The following ZNF804B variants were observed in gnomAD, a reference collection of about 807,000 sequenced individuals.
ZNF804B encodes zinc finger protein 804B.
ZNF804B carries 80 observed loss-of-function variants against 101.4 expected under a neutral mutation model. The observed-to-expected ratio is 0.79, with a 90% CI of 0.66 to 0.95. The LOEUF (loss-of-function observed/expected upper bound fraction) is 0.95, where lower values mean the gene tolerates loss of function less well. Among genes scored for constraint, ZNF804B ranks in the 40% least tolerant of loss-of-function variants. The pLI is 0.00. For missense variants in ZNF804B, 1,673 were observed against 1,561.9 expected (o/e 1.07, Z -1.20); for synonymous variants, 622 against 558.8 (o/e 1.11, Z -1.59).
At chr7:89,274,407 G>A (rs1019108475) in intron 2 of ZNF804B, among the ~76,000 whole-genome samples, 4 of 137,298 alleles carry the variant, frequency 2.9e-5, no homozygotes, top group South Asian at 2.3e-4. Context: ...GAGAATATGC[G>A]GTGTTTGGTT....
chr7:89,168,350 A>G (rs748340004), intron 1 of ZNF804B, among the ~76,000 whole-genome samples: 1 of 152,080 alleles, frequency 6.6e-6, no homozygotes, highest in East Asian at 1.9e-4. Flanking sequence ...ATATGTAGAT[A>G]TATATACAAA....
chr7:89,110,999 A>G (rs146331875), intron 1 of ZNF804B, among the ~76,000 whole-genome samples: 8 of 152,214 alleles, frequency 5.3e-5, no homozygotes, highest in African/African-American at 1.9e-4. Flanking sequence ...GCTTTTACAG[A>G]TGGCCTTCTT....
At chr7:88,845,050 A>G (rs1791348473) in intron 1 of ZNF804B, among the ~76,000 whole-genome samples, 1 of 152,136 alleles carries the variant, frequency 6.6e-6, no homozygotes, top group Non-Finnish European at 1.5e-5. Context: ...TTCCAATCCC[A>G]TGAAGATCAG....
intron 1 of ZNF804B, among the ~76,000 whole-genome samples, chr7:89,195,083 A>G (rs1788525257): frequency 6.6e-6 from 1 of 151,726 alleles, no homozygotes; most frequent in African/African-American, 2.4e-5. Context: ...AACCAAAGAC[A>G]AAAACCACAT....
intron 1 of ZNF804B, among the ~76,000 whole-genome samples, chr7:89,005,099 C>A (rs1158553273): frequency 6.6e-6 from 1 of 151,956 alleles, no homozygotes. Context: ...TTTGGCTTGA[C>A]TGCATTCTAA....
intron 1 of ZNF804B, among the ~76,000 whole-genome samples, chr7:88,985,712 G>T (rs1793749811): frequency 6.6e-6 from 1 of 152,094 alleles, no homozygotes; most frequent in Non-Finnish European, 1.5e-5. Context: ...AACATACTTT[G>T]TATATAGGGC....
At chr7:89,180,132 G>A (rs1419494213) in intron 1 of ZNF804B, among the ~76,000 whole-genome samples, 3 of 152,122 alleles carry the variant, frequency 2.0e-5, no homozygotes, top group Non-Finnish European at 4.4e-5. Flanking sequence ...CTCACCCAAA[G>A]CCTGTGTTGA....
chr7:89,222,928 A>C (rs1789028636), intron 2 of ZNF804B, among the ~76,000 whole-genome samples: 1 of 151,950 alleles, frequency 6.6e-6, no homozygotes. Flanking sequence ...ATATTGAAAT[A>C]CTTCCATTTA....
At chr7:89,099,399 A>C (rs1790019872) in intron 1 of ZNF804B, among the ~76,000 whole-genome samples, 1 of 152,206 alleles carries the variant, frequency 6.6e-6, no homozygotes, top group African/African-American at 2.4e-5. Flanking sequence ...CACATGTTTC[A>C]CAGTTTGGGT....
At chr7:88,841,149 C>T (rs1791286841) in intron 1 of ZNF804B, among the ~76,000 whole-genome samples, 2 of 152,236 alleles carry the variant, frequency 1.3e-5, no homozygotes, top group East Asian at 3.9e-4. Flanking sequence ...GGCCTTTGCC[C>T]TAGGCTTTTG....
At chr7:88,956,909 G>A (rs1450689542) in intron 1 of ZNF804B, among the ~76,000 whole-genome samples, 3 of 151,386 alleles carry the variant, frequency 2.0e-5, no homozygotes, top group African/African-American at 7.3e-5. Flanking sequence ...AGAGCAAACT[G>A]TGCCTTGACT....
At chr7:88,970,344 GC>G (rs3034350) in intron 1 of ZNF804B, among the ~76,000 whole-genome samples, 34,343 of 143,838 alleles carry the variant, frequency 0.24, 4,161 homozygotes, top group African/African-American at 0.32. Context: ...TTATTCTGAT[GC>G]CCCCCCCCCA....
intron 1 of ZNF804B, among the ~76,000 whole-genome samples, chr7:89,007,121 G>A (rs1277701023): frequency 1.3e-5 from 2 of 151,982 alleles, no homozygotes; most frequent in African/African-American, 4.8e-5. Flanking sequence ...CCACTGCAGA[G>A]GAAAGCTTGG....
At chr7:88,856,215 A>T (rs1479293092) in intron 1 of ZNF804B, among the ~76,000 whole-genome samples, 1 of 152,094 alleles carries the variant, frequency 6.6e-6, no homozygotes, top group Non-Finnish European at 1.5e-5. Context: ...CATTTTCACG[A>T]TATTGATTCT....
rs1334403696 is a variant in ZNF804B, at chr7:88,924,013, A to G, written c.108+163929A>G. ...TTAGATTTGTTTTGGCTTTGCTGCT[A>G]TAAATATGCTTCAATAAACACATTT... On this transcript the variant is annotated intron_variant, in intron 1 of 3. Transcript: ENST00000333190. Among the ~76,000 whole-genome samples, 4 of 152,268 alleles carry G rather than the reference A, an allele frequency of 2.6e-5. No homozygotes were observed. The South Asian group carries it at 8.3e-4, about 32-fold the overall frequency.
intron 1 of ZNF804B, among the ~76,000 whole-genome samples, chr7:88,958,202 T>C (rs1465470001): frequency 6.6e-6 from 1 of 151,430 alleles, no homozygotes; most frequent in East Asian, 2.0e-4. Context: ...CAAATGATAA[T>C]GACAGTAATT....
intron 3 of ZNF804B, among the ~76,000 whole-genome samples, chr7:89,332,305 C>T (rs979112827): frequency 3.3e-5 from 5 of 151,726 alleles, no homozygotes; most frequent in Admixed American, 2.6e-4. Flanking sequence ...ACTCAGAAAG[C>T]ACTACTCTAC....
intron 1 of ZNF804B, among the ~76,000 whole-genome samples, chr7:88,968,870 A>G (rs567607053): frequency 2.0e-5 from 3 of 151,704 alleles, no homozygotes; most frequent in South Asian, 2.1e-4. Context: ...ATTTTTGAAT[A>G]TATATAATTT....
intron 1 of ZNF804B, among the ~76,000 whole-genome samples, chr7:89,110,945 T>A (rs189280710): frequency 0.018 from 2,770 of 152,264 alleles, 89 homozygotes; most frequent in African/African-American, 0.063. Context: ...TCTATAGTTT[T>A]TCTTTTTCAA....
Sources: allele counts gnomAD v4.1 joint callset (sites outside exome capture counted in the v4.1 genomes callset), GRCh38; gene constraint gnomAD v4.1.1; transcripts MANE v1.5; gene names NCBI Gene and HGNC (gene_info 2026-07-23, HGNC 2026-07-21).